The following FOXK1 variants were observed in gnomAD, a reference collection of about 807,000 sequenced individuals.
FOXK1 encodes forkhead box protein K1.
A neutral mutation model predicts 51.9 loss-of-function variants in FOXK1; 19 were observed. The observed-to-expected ratio is 0.37, with a 90% CI of 0.26 to 0.54. The LOEUF (loss-of-function observed/expected upper bound fraction) is 0.54, where lower values mean the gene tolerates loss of function less well. Among genes scored for constraint, FOXK1 ranks in the 20% least tolerant of loss-of-function variants. The probability of loss-of-function intolerance (pLI) is 0.87; values close to 1 mark genes in which losing one functional copy is unlikely to be tolerated. For synonymous variants in FOXK1, 537 were observed against 482.6 expected, an observed-to-expected ratio of 1.11 and a Z score of -1.48; for missense variants, 870 against 1,032.7, an observed-to-expected ratio of 0.84 and a Z score of 2.16.
chr7:4,725,088 C>T (rs759246020), intron 1 of FOXK1, among the ~76,000 whole-genome samples: 12 of 152,266 alleles, frequency 7.9e-5, no homozygotes, highest in Non-Finnish European at 1.0e-4. Context: ...CCGCCACCCA[C>T]AGCGTCCTCC....
chr7:4,691,124 C>T (rs1779886007), intron 1 of FOXK1, among the ~76,000 whole-genome samples: 1 of 152,106 alleles, frequency 6.6e-6, no homozygotes, highest in Non-Finnish European at 1.5e-5. Context: ...AGGCGTGTGG[C>T]GTGCTGCCAG....
Position 4,761,565 on chromosome 7 carries a change from A to C in FOXK1, c.1921+277A>C, listed in dbSNP as rs904538571. ...CAACATAGCAAGACCCCATCTCTAC[A>C]TAAGATTCAAAAACTTAGCCAGGTG... On this transcript the variant is annotated intron_variant, in intron 8 of 8. Coordinates refer to ENST00000328914, the MANE Select transcript of FOXK1 (RefSeq NM_001037165.2). The surrounding 1 kb of genome is among the most constrained non-coding windows in gnomAD (Gnocchi z 6.2). Among the ~76,000 whole-genome samples the C allele has an allele frequency of 1.1e-4, 16 of 152,084 alleles. No homozygotes were observed. The highest frequency in any genetic ancestry group is 6.6e-4 in the Admixed American group (10 of 15,264).
Position 4,762,884 on chromosome 7 carries a change from T to C in FOXK1, c.*420T>C, listed in dbSNP as rs1443111176. The C allele has an allele frequency of 5.8e-6, 1 of 173,830 alleles. No homozygotes were observed. Among genetic ancestry groups the C allele is most frequent in the African/African-American group, 2.4e-5 (1 of 41,928 alleles). The allele number at this position is 173,830 out of a possible 1,614,324, so 10.8% of individuals were successfully genotyped here. ...AACGCAGCAAGGCACACACCAAGGC[T>C]GCCGGGGAGGCCCGGGCACCGGACA... On this transcript the variant is annotated 3_prime_UTR_variant, in exon 9 of 9. Transcript: ENST00000328914. The surrounding 1 kb of genome is among the most constrained non-coding windows in gnomAD (Gnocchi z 5.7).
rs1780931563 is a variant in FOXK1 at position 4,761,445 on chromosome 7, A to C, written c.1921+157A>C. Reference sequence around the variant, plus strand: ...CTCCAGGCACTGGGGTAATGCAAAGAAAAAGAGGGTGGAAGGGGCCACCTA... The same window carrying C: ...CTCCAGGCACTGGGGTAATGCAAAGCAAAAGAGGGTGGAAGGGGCCACCTA... On this transcript the variant is annotated intron_variant, in intron 8 of 8. Transcript: ENST00000328914. This position sits in a 1 kb window ranked among gnomAD's most constrained non-coding sequence, Gnocchi z 6.2. Among the ~76,000 whole-genome samples, 1 of 152,178 alleles carries C rather than the reference A, an allele frequency of 6.6e-6. No homozygotes were observed. The highest frequency in any genetic ancestry group is 2.4e-5 in the African/African-American group (1 of 41,434).
intron 1 of FOXK1, among the ~76,000 whole-genome samples, chr7:4,712,709 G>A (rs755525524): frequency 6.6e-6 from 1 of 152,050 alleles, no homozygotes; most frequent in Admixed American, 6.6e-5. Context: ...CTCTTACCTC[G>A]CTCATCTGTT....
In FOXK1 at chr7:4,682,515, C is replaced by A; in HGVS notation, c.207C>A (p.Gly69=). The A allele has an allele frequency of 9.3e-7, 1 of 1,077,514 alleles. No homozygotes were observed. The highest frequency in any genetic ancestry group is 1.1e-6 in the Non-Finnish European group (1 of 891,270). 66.7% of individuals were successfully genotyped at this position (1,077,514 alleles called of 1,614,324 possible). A position where few individuals can be genotyped will look rare whatever the true frequency, so the allele number is the denominator to read the frequency against. Residue 69 remains glycine (G), a synonymous_variant, in exon 1 of 9, where the codon GGC becomes GGA. Transcript: ENST00000328914. This position sits in a 1 kb window ranked among gnomAD's most constrained non-coding sequence, Gnocchi z 7.6. ...CTCCGGGCGCGATCGCGGGCGCGGGCTCCTCCGGGGGCTCCTCCGGGGTAT... is the reference window on the plus strand; with the variant it reads ...CTCCGGGCGCGATCGCGGGCGCGGGATCCTCCGGGGGCTCCTCCGGGGTAT... ...PLPPGAIAGA[G]SSGGSSGVSG...
rs1195479726 is a variant in FOXK1, at chr7:4,711,179, G to A, written c.560+28311G>A. Among the ~76,000 whole-genome samples, 1 of 152,112 alleles carries A rather than the reference G, an allele frequency of 6.6e-6. No individual in the cohort carries two copies. Among genetic ancestry groups the A allele is most frequent in the African/African-American group, 2.4e-5 (1 of 41,416 alleles). On this transcript the variant is annotated intron_variant, in intron 1 of 8. Transcript: ENST00000328914. The surrounding 1 kb of genome is among the most constrained non-coding windows in gnomAD (Gnocchi z 6.3). ...ATGTCCGTTCCTGATGCCTTGCCCC[G>A]GGCAGCATGTGCCCAGCTCTGTTCA... is the stretch of plus-strand genomic sequence containing the variant.
At position 4,727,694 on chromosome 7, in the gene FOXK1, G is replaced by A. The variant is rs1037460220; in HGVS notation, c.561-13144G>A. ...AGGGCGGCCTGCTGTCCGTCCCTGC[G>A]GCAGACTGGGCCCTGTCCCACCTTC... On this transcript the variant is annotated intron_variant, in intron 1 of 8. Coordinates refer to ENST00000328914, the MANE Select transcript of FOXK1 (RefSeq NM_001037165.2). Among the ~76,000 whole-genome samples the A allele has an allele frequency of 4.6e-5, 7 of 152,328 alleles. No homozygotes were observed. The South Asian group carries it at 8.3e-4, about 18-fold the overall frequency.
At position 4,762,552 on chromosome 7, in the gene FOXK1, G is replaced by C; in HGVS notation, c.*88G>C. On this transcript the variant is annotated 3_prime_UTR_variant, in exon 9 of 9. Coordinates refer to ENST00000328914, the MANE Select transcript of FOXK1 (RefSeq NM_001037165.2). The surrounding 1 kb of genome is among the most constrained non-coding windows in gnomAD (Gnocchi z 5.7). ...GCTCAGGCGGCCGCACCCACAGACG[G>C]AGGAGAACAGCCCGCGGCGGCCTGT... 7.3e-6 allele frequency: 10 copies of C among 1,365,954 alleles called. No individual in the cohort carries two copies. The highest frequency in any genetic ancestry group is 9.8e-6 in the Non-Finnish European group (10 of 1,018,798). The allele number at this position is 1,365,954 out of a possible 1,614,324, so 84.6% of individuals were successfully genotyped here.
At chr7:4,714,385 TC>T (rs1371337439) in intron 1 of FOXK1, among the ~76,000 whole-genome samples, 6 of 152,240 alleles carry the variant, frequency 3.9e-5, no homozygotes, top group Non-Finnish European at 1.5e-5. Flanking sequence ...TTCAAGTGAT[TC>T]TCTTGCCTCA....
In FOXK1 at chr7:4,729,737, C is replaced by A. The variant is rs1284156874; in HGVS notation, c.561-11101C>A. Reference sequence around the variant, plus strand: ...GGGTGCAGCAGCTCACGCCTGTAATCCCAGCACTTTGGGAGGCCAAGGCAG... The same window carrying A: ...GGGTGCAGCAGCTCACGCCTGTAATACCAGCACTTTGGGAGGCCAAGGCAG... On this transcript the variant is annotated intron_variant, in intron 1 of 8. Transcript: ENST00000328914. This position sits in a 1 kb window ranked among gnomAD's most constrained non-coding sequence, Gnocchi z 6.2. 1.3e-5 allele frequency among the ~76,000 whole-genome samples: 2 copies of A among 152,196 alleles called. No individual in the cohort carries two copies. Among genetic ancestry groups the A allele is most frequent in the Non-Finnish European group, 2.9e-5 (2 of 68,026 alleles).
intron 1 of FOXK1, among the ~76,000 whole-genome samples, chr7:4,705,071 A>T (rs1247062921): frequency 1.3e-5 from 2 of 152,038 alleles, no homozygotes; most frequent in South Asian, 2.1e-4. Flanking sequence ...ACCTCAGGTG[A>T]TCTGCCCGCA....
chr7:4,746,875 C>T (rs1583207159), intron 2 of FOXK1, among the ~76,000 whole-genome samples: 2 of 152,200 alleles, frequency 1.3e-5, no homozygotes, highest in African/African-American at 4.8e-5. Flanking sequence ...GTCTGCCTGT[C>T]CCTGTCCCTG....
chr7:4,685,233 T>C (rs564053934), intron 1 of FOXK1, among the ~76,000 whole-genome samples: 1 of 150,170 alleles, frequency 6.7e-6, no homozygotes, highest in African/African-American at 2.5e-5. Flanking sequence ...TTTTTTTTTT[T>C]TTTTTTTTCT....
chr7:4,691,989 A>T (rs963384625), intron 1 of FOXK1, among the ~76,000 whole-genome samples: 12 of 152,142 alleles, frequency 7.9e-5, no homozygotes, highest in African/African-American at 2.9e-4. Context: ...ATACTCCTAC[A>T]CATTACTGGG....
chr7:4,720,559 G>T (rs573370336), intron 1 of FOXK1, among the ~76,000 whole-genome samples: 1 of 152,158 alleles, frequency 6.6e-6, no homozygotes, highest in African/African-American at 2.4e-5. Context: ...CAGTGGGGAT[G>T]GGCAGCCTGT....
intron 1 of FOXK1, among the ~76,000 whole-genome samples, chr7:4,701,818 G>A (rs1780024290): frequency 6.6e-6 from 1 of 152,366 alleles, no homozygotes; most frequent in African/African-American, 2.4e-5. Context: ...GTGGGAACCT[G>A]GGAGGCGGAG....
rs577280505 is a variant in FOXK1, at chr7:4,741,405, T to C, written c.746+382T>C. ...GAGCAGTGGCGCGATCTCGGCTCAC[T>C]GCAACCTCCACCTCCCGGGTTCAAG... On this transcript the variant is annotated intron_variant, in intron 2 of 8. Transcript: ENST00000328914. Among the ~76,000 whole-genome samples the C allele has an allele frequency of 9.2e-5, 14 of 152,300 alleles. No homozygotes were observed. The South Asian group carries it at 2.7e-3, about 29-fold the overall frequency.
chr7:4,732,367 A>G, intron 1 of FOXK1, among the ~76,000 whole-genome samples: 1 of 152,162 alleles, frequency 6.6e-6, no homozygotes, highest in East Asian at 1.9e-4. Context: ...ATCATAGCCC[A>G]CTGCGGCCTC....
Sources: allele counts gnomAD v4.1 joint callset (sites outside exome capture counted in the v4.1 genomes callset), GRCh38; gene constraint gnomAD v4.1.1; non-coding constraint Gnocchi (gnomAD v3.1); transcripts MANE v1.5; gene names NCBI Gene and HGNC (gene_info 2026-07-23, HGNC 2026-07-21).